DNAH10: variants seen among roughly 807,000 people sequenced by gnomAD.
DNAH10 encodes the protein dynein axonemal heavy chain 10.
Under a neutral mutation model 506.6 loss-of-function variants are expected in DNAH10, and 348 were observed. That is an observed-to-expected ratio of 0.69 (90% CI 0.63 to 0.75). The LOEUF (loss-of-function observed/expected upper bound fraction) is 0.75, where lower values mean the gene tolerates loss of function less well. Ranked by LOEUF, DNAH10 falls within the 30% of genes least tolerant of loss-of-function variation. The pLI is 0.00. For missense variants in DNAH10, 5,179 were observed against 5,787.1 expected (o/e 0.89, Z 3.41); for synonymous variants, 2,059 against 2,198.6 (o/e 0.94, Z 1.78).
At chr12:123,934,468 A>T in intron 77 of DNAH10, 153 bp from the exon 78 acceptor site, 1 of 937,484 alleles carries the variant, frequency 1.1e-6, no homozygotes, top group Non-Finnish European at 1.7e-6. Context: ...TGGGCAGGAC[A>T]GAAATGCTGG....
At chr12:123,910,109 T>C (rs949272232) in intron 58 of DNAH10, among the ~76,000 whole-genome samples, 2 of 152,244 alleles carry the variant, frequency 1.3e-5, no homozygotes, top group Non-Finnish European at 2.9e-5. Flanking sequence ...TCAACACAAA[T>C]GACCCCAACC....
At chr12:123,892,029 A>G (rs1323033504) in intron 52 of DNAH10, among the ~76,000 whole-genome samples, 1 of 152,220 alleles carries the variant, frequency 6.6e-6, no homozygotes, top group Non-Finnish European at 1.5e-5. Flanking sequence ...CTGCTCATGT[A>G]GGCACCTCTA....
intron 19 of DNAH10, among the ~76,000 whole-genome samples, chr12:123,812,784 T>G (rs1958991469): frequency 6.6e-6 from 1 of 152,114 alleles, no homozygotes; most frequent in African/African-American, 2.4e-5. Flanking sequence ...ACAGCTCTGA[T>G]GGGTGGCGGC....
At chr12:123,927,765 C>G (rs1431639464) in intron 69 of DNAH10, 1 of 152,644 alleles carries the variant, frequency 6.6e-6, no homozygotes, top group Non-Finnish European at 1.5e-5. Context: ...TGCTGAAAGC[C>G]CCTGGGTGAG....
rs371407356 is a variant in DNAH10 at position 123,914,998 on chromosome 12, G to C, written c.10721G>C (p.Arg3574Pro). Residue 3574 changes from arginine to proline, a missense_variant and splice_region_variant, in exon 62 of 79, where the codon CGG becomes CCG. Around this residue, in one of 3 missense-constraint regions of DNAH10, gnomAD observed 4,844 missense variants for 5,430.5 expected, o/e 0.89. Transcript: ENST00000673944. ...IKRKEEKNNL[R>P]VASFNDPDFL... ...AGAAAAGAGGAGAAGAACAATCTGCGGGTATGGTGGCTCCTCCCAGGGCGT... is the reference window on the plus strand; with the variant it reads ...AGAAAAGAGGAGAAGAACAATCTGCCGGTATGGTGGCTCCTCCCAGGGCGT... The C allele has an allele frequency of 7.0e-5, 113 of 1,603,850 alleles. No homozygotes were observed. Among genetic ancestry groups the C allele is most frequent in the Non-Finnish European group, 9.2e-5 (108 of 1,175,504 alleles).
chr12:123,797,418 G>A (rs1472166321), intron 13 of DNAH10, among the ~76,000 whole-genome samples: 1 of 141,544 alleles, frequency 7.1e-6, no homozygotes, highest in African/African-American at 2.5e-5. Context: ...TTTAAGACAA[G>A]GTCTTGCTGT....
chr12:123,916,582 AAAT>A lies in DNAH10; in HGVS notation c.10850_10852del (p.Asn3617del). 1 of 1,613,914 alleles carries A rather than the reference AAAT, an allele frequency of 6.2e-7. No individual in the cohort carries two copies. Among genetic ancestry groups the A allele is most frequent in the Non-Finnish European group, 8.5e-7 (1 of 1,179,880 alleles). On this transcript the variant is annotated inframe_deletion, in exon 63 of 79. Transcript: ENST00000673944. This position sits in a 1 kb window ranked among gnomAD's most constrained non-coding sequence, Gnocchi z 4.6. ...CTGTGATTGACAACGTCTTAGAAAAAAATATAAAAGTCTCCCAAGGACGGCAGT... is the reference window on the plus strand; with the variant it reads ...CTGTGATTGACAACGTCTTAGAAAAAATAAAAGTCTCCCAAGGACGGCAGT...
chr12:123,789,772 T>A (rs1334032705), intron 10 of DNAH10, among the ~76,000 whole-genome samples, 155 bp from the exon 11 acceptor site: 1 of 152,150 alleles, frequency 6.6e-6, no homozygotes, highest in Non-Finnish European at 1.5e-5. Flanking sequence ...CCTATGTGCC[T>A]TGGGCATCGT....
Position 123,909,213 on chromosome 12 carries a change from C to A in DNAH10, c.9816-48C>A. The A allele has an allele frequency of 6.3e-7, 1 of 1,592,182 alleles. No homozygotes were observed. The highest frequency in any genetic ancestry group is 8.5e-7 in the Non-Finnish European group (1 of 1,170,012). ...CTGGAGCTCTCTTTCAGGCCAGATCCTGGCCACATCCCGGGGTTGTGACCC... is the reference window on the plus strand; with the variant it reads ...CTGGAGCTCTCTTTCAGGCCAGATCATGGCCACATCCCGGGGTTGTGACCC... On this transcript the variant is annotated intron_variant, in intron 57 of 78. Coordinates refer to ENST00000673944, the MANE Select transcript of DNAH10 (RefSeq NM_001372106.1). The surrounding 1 kb of genome is among the most constrained non-coding windows in gnomAD (Gnocchi z 5.4).
At chr12:123,776,422 A>G (rs1405067822) in intron 5 of DNAH10, among the ~76,000 whole-genome samples, 1 of 152,086 alleles carries the variant, frequency 6.6e-6, no homozygotes, top group African/African-American at 2.4e-5. Context: ...GCAAGGCCCC[A>G]TCTCTAAAAA....
chr12:123,926,705 T>C lies in DNAH10; in HGVS notation c.11990T>C (p.Val3997Ala). 2 of 1,614,032 alleles carry C rather than the reference T, an allele frequency of 1.2e-6. No homozygotes were observed. The highest frequency in any genetic ancestry group is 1.7e-6 in the Non-Finnish European group (2 of 1,179,906). Residue 3997 changes from valine to alanine, a missense_variant, in exon 69 of 79, where the codon GTG becomes GCG. By Grantham distance (64) the Val-to-Ala change is moderately conservative (BLOSUM62 0). Around this residue, in one of 3 missense-constraint regions of DNAH10, gnomAD observed 4,844 missense variants for 5,430.5 expected, o/e 0.89. Transcript: ENST00000673944. The surrounding 1 kb of genome is among the most constrained non-coding windows in gnomAD (Gnocchi z 4.1). ...FEQSTPHSPI[V>A]FILSPGSDPA... ...CAGAGCACTCCACATTCGCCCATTG[T>C]GTTTATCCTGAGTCCTGGCTCCGAC... is the stretch of plus-strand genomic sequence containing the variant.
At chr12:123,837,908 A>G (rs1961347336) in intron 28 of DNAH10, among the ~76,000 whole-genome samples, 1 of 152,102 alleles carries the variant, frequency 6.6e-6, no homozygotes, top group Admixed American at 6.6e-5. Context: ...CATTCTTACC[A>G]ATGTCACTGG....
chr12:123,899,426 C>T (rs1004538351), intron 56 of DNAH10, among the ~76,000 whole-genome samples: 12 of 152,142 alleles, frequency 7.9e-5, no homozygotes, highest in African/African-American at 1.9e-4. Flanking sequence ...CTGCAGATGC[C>T]GCTCAACCTG....
In DNAH10 at chr12:123,934,761, C is replaced by T. The variant is rs1357828631; in HGVS notation, c.13618C>T (p.Leu4540=). The T allele has an allele frequency of 1.2e-6, 2 of 1,613,530 alleles. No homozygotes were observed. Among genetic ancestry groups the T allele is most frequent in the Non-Finnish European group, 1.7e-6 (2 of 1,179,874 alleles). ...CCCCATTGAAGCCCATCGCCTCAAG[C>T]TGCAGGTGAAGGTCCCAGCCCCTCC... ...IIPIEAHRLK[L]QNTFRTPVYT... Residue 4540 remains leucine (L), a synonymous_variant, in exon 78 of 79, where the codon CTG becomes TTG. Transcript: ENST00000673944.
At chr12:123,799,917 T>G (rs943225759) in intron 14 of DNAH10, among the ~76,000 whole-genome samples, 2 of 152,092 alleles carry the variant, frequency 1.3e-5, no homozygotes, top group African/African-American at 4.8e-5. Context: ...AGGGAACAGG[T>G]GGGCTCAGAT....
Position 123,934,461 on chromosome 12 carries a change from G to A in DNAH10, c.13478-160G>A, listed in dbSNP as rs751046244. On this transcript the variant is annotated intron_variant, in intron 77 of 78. Transcript: ENST00000673944. ...CTGCTCCTCCACAGAGGGAAGGTGG[G>A]CAGGACAGAAATGCTGGAGAAGGGC... The A allele has an allele frequency of 9.1e-6, 8 of 881,216 alleles. No homozygotes were observed. The South Asian group carries it at 1.2e-4, about 13-fold the overall frequency. The allele number at this position is 881,216 out of a possible 1,614,324, so 54.6% of individuals were successfully genotyped here. A position where few individuals can be genotyped will look rare whatever the true frequency, so the allele number is the denominator to read the frequency against.
chr12:123,871,359 T>C lies in DNAH10; in HGVS notation c.7640-98T>C, dbSNP rs1408814688. ...ATGTCTTGGCCTTTGCTCCTGTTTT[T>C]TATGGGATTTGTGGGGTTCTAGGAC... On this transcript the variant is annotated intron_variant, in intron 44 of 78. Transcript: ENST00000673944. The C allele has an allele frequency of 3.3e-5, 46 of 1,402,138 alleles. No homozygotes were observed. In the East Asian group the frequency reaches 1.1e-3, roughly 33 times the overall value. 86.9% of individuals were successfully genotyped at this position (1,402,138 alleles called of 1,614,324 possible).
At chr12:123,895,867 C>T (rs1217706207) in intron 54 of DNAH10, among the ~76,000 whole-genome samples, 4 of 152,198 alleles carry the variant, frequency 2.6e-5, no homozygotes, top group Middle Eastern at 3.4e-3. Context: ...AATCCCAGCA[C>T]TTTGGGAGGC....
intron 3 of DNAH10, 27 bp from the exon 4 acceptor site, chr12:123,772,807 G>T: frequency 6.5e-7 from 1 of 1,535,298 alleles, no homozygotes; most frequent in East Asian, 2.3e-5. Flanking sequence ...TCACAAGAAT[G>T]AATGGTTTTT....
Sources: gnomAD v4.1 joint callset for allele counts (sites outside exome capture counted in the v4.1 genomes callset) on GRCh38, gnomAD v4.1.1 for gene constraint, gnomAD v4.1.1 regional missense constraint, Gnocchi (gnomAD v3.1) non-coding constraint, MANE v1.5 for transcripts, NCBI Gene and HGNC (gene_info 2026-07-23, HGNC 2026-07-21) for gene names.